DCDC1: variants seen among roughly 807,000 people sequenced by gnomAD.
DCDC1 encodes the protein doublecortin domain containing 1.
DCDC1 carries 200 observed loss-of-function variants against 178.3 expected under a neutral mutation model. The observed-to-expected ratio is 1.12, with a 90% CI of 1.00 to 1.26. The LOEUF is 1.26. DCDC1 is among the 50% of genes most tolerant of loss of function. DCDC1 has a pLI of 0.00. For synonymous variants in DCDC1, 690 were observed against 604.8 expected, an observed-to-expected ratio of 1.14 and a Z score of -2.07; for missense variants, 1,983 against 1,749.2, an observed-to-expected ratio of 1.13 and a Z score of -2.38.
intron 20 of DCDC1, among the ~76,000 whole-genome samples, chr11:30,968,674 T>TATCA: frequency 7.1e-6 from 1 of 140,282 alleles, no homozygotes; most frequent in Non-Finnish European, 1.5e-5. Context: ...CAAATATATA[T>TATCA]ATCAAATTAT....
intron 15 of DCDC1, among the ~76,000 whole-genome samples, chr11:31,101,538 C>A (rs565745171): frequency 1.3e-5 from 2 of 152,116 alleles, no homozygotes; most frequent in East Asian, 3.9e-4. Flanking sequence ...TAGCAGCCAT[C>A]TTAAAGACTT....
chr11:30,991,636 G>T (rs1950988909), intron 20 of DCDC1, among the ~76,000 whole-genome samples: 1 of 152,112 alleles, frequency 6.6e-6, no homozygotes, highest in African/African-American at 2.4e-5. Flanking sequence ...CTGCACATTT[G>T]ATCTCTGCTG....
intron 9 of DCDC1, among the ~76,000 whole-genome samples, chr11:31,237,261 CA>C (rs1381195702): frequency 1.3e-5 from 2 of 151,798 alleles, no homozygotes; most frequent in Non-Finnish European, 2.9e-5. Flanking sequence ...AGTATGTTAA[CA>C]AAATACATTT....
rs150056724 is a variant in DCDC1, at chr11:31,091,437, A to G, written c.2193T>C (p.Ala731=). The change falls in exon 17 of 39, where the codon GCT becomes GCC. Residue 731 remains alanine (A), a synonymous_variant. Transcript: ENST00000684477. ...TATATCCTTCTAGTGATGTTCCCTCAGCAGCCTTGACTCTGATAGGATGAC... is the reference window on the plus strand; with the variant it reads ...TATATCCTTCTAGTGATGTTCCCTCGGCAGCCTTGACTCTGATAGGATGAC... ...AIGHPIRVKA[A]EGTSLEGYKL... 3,581 of 761,620 alleles carry G rather than the reference A, an allele frequency of 4.7e-3. 14 individuals carry two copies. Among genetic ancestry groups the G allele is most frequent in the Non-Finnish European group, 7.7e-3 (3,220 of 415,594 alleles). The allele number at this position is 761,620 out of a possible 1,614,324, so 47.2% of individuals were successfully genotyped here.
chr11:31,273,326 C>A (rs960548528), intron 7 of DCDC1, among the ~76,000 whole-genome samples: 1 of 152,170 alleles, frequency 6.6e-6, no homozygotes, highest in African/African-American at 2.4e-5. Context: ...ATGCCTTTAA[C>A]GGTACCCAAG....
chr11:31,157,100 C>T (rs1269702525), intron 9 of DCDC1, among the ~76,000 whole-genome samples: 1 of 151,656 alleles, frequency 6.6e-6, no homozygotes, highest in Non-Finnish European at 1.5e-5. Flanking sequence ...TTGTAACCGG[C>T]CAGGTGGGTG....
chr11:30,992,652 G>A (rs1325502008), intron 20 of DCDC1: 1 of 152,146 alleles, frequency 6.6e-6, no homozygotes, highest in African/African-American at 2.4e-5. Flanking sequence ...AAAGATACAT[G>A]GAGAGGCCAT....
chr11:30,899,638 C>A lies in DCDC1; in HGVS notation c.4668G>T (p.Leu1556Phe). ...GTTTCTCTAATTTTTCTGCTTTCTG[C>A]AAAGCTAGAATAATAAAAATACAAG... ...CGEPFLPPNALQKAEKLEKQN... is the reference protein window; with the variant it reads ...CGEPFLPPNAFQKAEKLEKQN... Residue 1556 changes from leucine (L) to phenylalanine (F), a missense_variant, in exon 34 of 39, where the codon TTG (leucine) becomes TTT (phenylalanine). Coordinates refer to ENST00000684477, the MANE Select transcript of DCDC1 (RefSeq NM_001387274.1). 6.5e-7 allele frequency: 1 copy of A among 1,545,796 alleles called. No individual in the cohort carries two copies. The highest frequency in any genetic ancestry group is 1.3e-5 in the South Asian group (1 of 79,754).
chr11:31,032,211 A>G (rs1953697379), intron 20 of DCDC1, among the ~76,000 whole-genome samples: 2 of 152,180 alleles, frequency 1.3e-5, no homozygotes, highest in Non-Finnish European at 2.9e-5. Context: ...CTCAGGATCT[A>G]AATGAACTCC....
chr11:31,352,734 TA>T (rs2133309755), intron 1 of DCDC1, among the ~76,000 whole-genome samples: 1 of 152,312 alleles, frequency 6.6e-6, no homozygotes, highest in East Asian at 1.9e-4. Context: ...CTACCTTTAG[TA>T]TTCTAAAACA....
chr11:31,082,221 T>C (rs1485408132), intron 17 of DCDC1, among the ~76,000 whole-genome samples: 1 of 152,202 alleles, frequency 6.6e-6, no homozygotes, highest in East Asian at 1.9e-4. Flanking sequence ...ACTTGAGTTC[T>C]AGTCCTGCAT....
chr11:31,272,720 G>C (rs1318771247), intron 7 of DCDC1, among the ~76,000 whole-genome samples: 1 of 152,232 alleles, frequency 6.6e-6, no homozygotes, highest in African/African-American at 2.4e-5. Context: ...CAAGAAGGGG[G>C]TTCCCATGGT....
intron 7 of DCDC1, among the ~76,000 whole-genome samples, chr11:31,289,865 G>A (rs1242039584): frequency 6.6e-6 from 1 of 151,912 alleles, no homozygotes; most frequent in Admixed American, 6.6e-5. Context: ...CTAGTGAATG[G>A]TGAAGCCAAG....
chr11:31,255,651 C>T, intron 8 of DCDC1, among the ~76,000 whole-genome samples: 1 of 152,088 alleles, frequency 6.6e-6, no homozygotes, highest in Non-Finnish European at 1.5e-5. Flanking sequence ...GATTCAAGTC[C>T]TTTGCCCATT....
chr11:30,922,692 T>A (rs1224653287), intron 23 of DCDC1, 54 bp from the exon 24 acceptor site: 10 of 1,422,350 alleles, frequency 7.0e-6, no homozygotes, highest in Non-Finnish European at 9.2e-7. Flanking sequence ...CAGCATTATC[T>A]GTAATAATCT....
chr11:30,881,447 A>C (rs1313726481), intron 36 of DCDC1, 139 bp from the exon 37 acceptor site: 1 of 1,108,110 alleles, frequency 9.0e-7, no homozygotes, highest in African/African-American at 1.6e-5. Context: ...TTCGTATAGA[A>C]GAGATGGGAA....
intron 9 of DCDC1, among the ~76,000 whole-genome samples, chr11:31,172,026 T>C (rs1258842802): frequency 2.0e-5 from 3 of 152,070 alleles, no homozygotes; most frequent in African/African-American, 4.8e-5. Context: ...GAAAGGGAAA[T>C]TGATAGAAGA....
At chr11:31,274,024 CACA>C (rs1945789628) in intron 7 of DCDC1, among the ~76,000 whole-genome samples, 1 of 152,152 alleles carries the variant, frequency 6.6e-6, no homozygotes, top group South Asian at 2.1e-4. Context: ...GGGTGCCTCC[CACA>C]ACATGTGGGA....
intron 3 of DCDC1, among the ~76,000 whole-genome samples, chr11:31,313,809 C>T (rs1397432031): frequency 6.6e-6 from 1 of 152,048 alleles, no homozygotes; most frequent in Non-Finnish European, 1.5e-5. Flanking sequence ...AAGACAAAAA[C>T]AAAAACAAAA....
Sources: gnomAD v4.1 joint callset for allele counts (sites outside exome capture counted in the v4.1 genomes callset) on GRCh38, gnomAD v4.1.1 for gene constraint, MANE v1.5 for transcripts, NCBI Gene and HGNC (gene_info 2026-07-23, HGNC 2026-07-21) for gene names.